Variants in RBFOX1 observed in about 807,000 individuals in gnomAD.
RBFOX1 encodes the protein RNA binding protein fox-1 homolog 1.
Under a neutral mutation model 57.7 loss-of-function variants are expected in RBFOX1, and 8 were observed. That is an observed-to-expected ratio of 0.14 (90% CI 0.08 to 0.25). The LOEUF (loss-of-function observed/expected upper bound fraction) is 0.25. Among genes scored for constraint, RBFOX1 ranks in the 10% least tolerant of loss-of-function variants. The pLI is 1.00. For missense variants in RBFOX1, 611 were observed against 548.5 expected, an observed-to-expected ratio of 1.11 and a Z score of -1.14; for synonymous variants, 326 against 222.4, an observed-to-expected ratio of 1.47 and a Z score of -4.15.
chr16:6,326,565 C>G (rs1022269636), intron 2 of RBFOX1, among the ~76,000 whole-genome samples: 6 of 152,126 alleles, frequency 3.9e-5, no homozygotes, highest in Admixed American at 6.6e-5. Context: ...GCATTCTCCT[C>G]TCAGGGTTGT....
rs1291219168 is a variant in RBFOX1, at chr16:7,189,586, C to CACACACACACAG, written c.27+137489_27+137490insCACACACACAGA. ...ACACACACACACACACACACACACA[C>CACACACACACAG]ATACACACACAAAATAGAGCACATA... On this transcript the variant is annotated intron_variant, in intron 4 of 15. Transcript: ENST00000550418. 1.5e-3 allele frequency among the ~76,000 whole-genome samples: 223 copies of CACACACACACAG among 146,008 alleles called. 1 individual carries two copies. Among genetic ancestry groups the CACACACACACAG allele is most frequent in the African/African-American group, 5.6e-3 (211 of 37,534 alleles).
intron 3 of RBFOX1, among the ~76,000 whole-genome samples, chr16:5,744,259 G>T (rs768461592): frequency 2.0e-5 from 3 of 152,114 alleles, no homozygotes; most frequent in Non-Finnish European, 2.9e-5. Context: ...AGCTGCCCTT[G>T]AATGAATTGC....
intron 1 of RBFOX1, among the ~76,000 whole-genome samples, chr16:5,339,470 G>GTTTTTTTTTCTTTTTTTTTTTT (rs2064983052): frequency 2.4e-5 from 1 of 40,854 alleles, no homozygotes; most frequent in Non-Finnish European, 4.5e-5. Context: ...CTTTTTCCGT[G>GTTTTTTTTTCTTTTTTTTTTTT]TTTTTTTTTT....
At chr16:5,343,381 C>G (rs989999961) in intron 1 of RBFOX1, among the ~76,000 whole-genome samples, 6 of 134,406 alleles carry the variant, frequency 4.5e-5, no homozygotes, top group Non-Finnish European at 6.1e-5. Flanking sequence ...GTGGCGTGAT[C>G]TCAGCTCACT....
intron 1 of RBFOX1, among the ~76,000 whole-genome samples, chr16:6,172,411 C>G (rs970074274): frequency 3.3e-5 from 5 of 152,186 alleles, no homozygotes; most frequent in Admixed American, 1.3e-4. Context: ...AGTTCCATCC[C>G]TGTGAGCAAA....
At chr16:6,833,473 T>G (rs2092859585) in intron 3 of RBFOX1, among the ~76,000 whole-genome samples, 1 of 152,176 alleles carries the variant, frequency 6.6e-6, no homozygotes, top group Non-Finnish European at 1.5e-5. Flanking sequence ...AGCCTCAAGC[T>G]TTATTTTAGC....
At chr16:7,691,208 T>C (rs566276775) in intron 14 of RBFOX1, among the ~76,000 whole-genome samples, 204 of 128,368 alleles carry the variant, frequency 1.6e-3, no homozygotes, top group Middle Eastern at 4.2e-3. Flanking sequence ...TTGAGAACTC[T>C]GCCTTGAAAC....
At chr16:6,697,718 AAAGAAAC>A (rs925798971) in intron 3 of RBFOX1, among the ~76,000 whole-genome samples, 3 of 152,194 alleles carry the variant, frequency 2.0e-5, no homozygotes, top group African/African-American at 7.2e-5. Flanking sequence ...ATCCTTCCCC[AAAGAAAC>A]AGGCTGTTGT....
intron 4 of RBFOX1, among the ~76,000 whole-genome samples, chr16:7,507,721 G>A (rs2073835337): frequency 6.6e-6 from 1 of 151,744 alleles, no homozygotes; most frequent in East Asian, 2.0e-4. Context: ...CCACCACCAC[G>A]CCTGGCTAAT....
chr16:5,461,872 C>G (rs544147868), intron 1 of RBFOX1, among the ~76,000 whole-genome samples: 1 of 152,306 alleles, frequency 6.6e-6, no homozygotes, highest in East Asian at 1.9e-4. Flanking sequence ...TCCAGCTTCA[C>G]TGAGCTCATA....
chr16:5,832,768 G>C (rs1451431399), intron 3 of RBFOX1, among the ~76,000 whole-genome samples: 1 of 152,196 alleles, frequency 6.6e-6, no homozygotes, highest in Admixed American at 6.5e-5. Flanking sequence ...GAGCCAGAGT[G>C]AACAGGAACC....
At chr16:6,555,141 C>A (rs1050860184) in intron 2 of RBFOX1, among the ~76,000 whole-genome samples, 1 of 152,052 alleles carries the variant, frequency 6.6e-6, no homozygotes, top group African/African-American at 2.4e-5. Context: ...TTTTTATGTC[C>A]AGTAGTGTCT....
At chr16:7,324,791 G>A (rs2096590282) in intron 4 of RBFOX1, among the ~76,000 whole-genome samples, 1 of 152,072 alleles carries the variant, frequency 6.6e-6, no homozygotes, top group South Asian at 2.1e-4. Flanking sequence ...TTAGAGATGT[G>A]GTTAGTACTG....
intron 4 of RBFOX1, among the ~76,000 whole-genome samples, chr16:5,984,462 G>GT (rs537688184): frequency 1.2e-3 from 175 of 152,096 alleles, no homozygotes; most frequent in Non-Finnish European, 4.0e-4. Flanking sequence ...TCCAGCCATA[G>GT]TTATCCCAGT....
chr16:7,441,514 T>G (rs907987774), intron 4 of RBFOX1, among the ~76,000 whole-genome samples: 1 of 152,062 alleles, frequency 6.6e-6, no homozygotes, highest in African/African-American at 2.4e-5. Context: ...TGGTATCTGT[T>G]TCTCTCCTAC....
chr16:5,476,934 C>T (rs2069345712), intron 2 of RBFOX1, among the ~76,000 whole-genome samples: 1 of 152,212 alleles, frequency 6.6e-6, no homozygotes, highest in Non-Finnish European at 1.5e-5. Flanking sequence ...CATGATAGCA[C>T]ATACTAAACT....
In RBFOX1 at chr16:5,521,490, A is replaced by C. The variant is rs370422673; in HGVS notation, c.258+54236A>C. 4.7e-5 allele frequency among the ~76,000 whole-genome samples: 7 copies of C among 149,144 alleles called. No individual in the cohort carries two copies. In the South Asian group the frequency reaches 1.1e-3, roughly 24 times the overall value. On this transcript the variant is annotated intron_variant, in intron 2 of 2. Transcript: ENST00000585867. ...GTATCCTCCATCTTCCCAGTGTCTCATTGACCCGAACCTGTCAACGAACCT... is the reference window on the plus strand; with the variant it reads ...GTATCCTCCATCTTCCCAGTGTCTCCTTGACCCGAACCTGTCAACGAACCT...
chr16:7,121,545 G>C (rs1268059869), intron 4 of RBFOX1, among the ~76,000 whole-genome samples: 25 of 151,884 alleles, frequency 1.6e-4, no homozygotes, highest in Admixed American at 1.6e-3. Flanking sequence ...AAACTATAAA[G>C]TATTTGTGAA....
intron 3 of RBFOX1, among the ~76,000 whole-genome samples, chr16:7,030,856 C>A (rs1184729781): frequency 1.3e-5 from 2 of 152,114 alleles, no homozygotes; most frequent in African/African-American, 4.8e-5. Flanking sequence ...CACATTTTTT[C>A]TTTTGTCTTA....
Sources: allele counts gnomAD v4.1 joint callset (sites outside exome capture counted in the v4.1 genomes callset), GRCh38; gene constraint gnomAD v4.1.1; transcripts MANE v1.5; gene names NCBI Gene and HGNC (gene_info 2026-07-23, HGNC 2026-07-21).